The following COX7B2 variants were observed in gnomAD, a reference collection of about 807,000 sequenced individuals.
COX7B2 encodes the protein cytochrome c oxidase subunit 7B2.
For synonymous variants in COX7B2, 37 were observed against 32.1 expected (o/e 1.15, Z -0.51); for missense variants, 109 against 95.9 (o/e 1.14, Z -0.57).
intron 1 of COX7B2, among the ~76,000 whole-genome samples, chr4:46,902,495 G>T (rs1449460916): frequency 6.6e-6 from 1 of 152,178 alleles, no homozygotes; most frequent in Non-Finnish European, 1.5e-5. Context: ...TCAGAGAAGG[G>T]AATCAGCAAT....
chr4:46,894,319 G>A (rs1311826290), intron 1 of COX7B2, among the ~76,000 whole-genome samples: 1 of 151,786 alleles, frequency 6.6e-6, no homozygotes, highest in Admixed American at 6.6e-5. Flanking sequence ...AGAATAGACA[G>A]CCCAGAAATA....
intron 1 of COX7B2, among the ~76,000 whole-genome samples, chr4:46,878,512 T>G (rs942097707): frequency 6.6e-6 from 1 of 151,930 alleles, no homozygotes; most frequent in Non-Finnish European, 1.5e-5. Context: ...GACACATATA[T>G]ACACATTACA....
At chr4:46,809,132 T>C (rs964048083) in intron 2 of COX7B2, among the ~76,000 whole-genome samples, 8 of 152,014 alleles carry the variant, frequency 5.3e-5, no homozygotes, top group African/African-American at 1.9e-4. Flanking sequence ...TTCCTTGATA[T>C]CCTTTTTATT....
chr4:46,773,332 G>T (rs1716982850), intron 2 of COX7B2, among the ~76,000 whole-genome samples: 1 of 152,062 alleles, frequency 6.6e-6, no homozygotes, highest in African/African-American at 2.4e-5. Context: ...GTTCTCACAA[G>T]ATCTGATGGT....
chr4:46,902,046 T>C (rs1720099096), intron 1 of COX7B2, among the ~76,000 whole-genome samples: 1 of 152,202 alleles, frequency 6.6e-6, no homozygotes. Flanking sequence ...TATATCTATC[T>C]CTATATATCC....
intron 2 of COX7B2, among the ~76,000 whole-genome samples, chr4:46,745,801 G>T (rs955679332): frequency 6.6e-6 from 1 of 152,100 alleles, no homozygotes; most frequent in Non-Finnish European, 1.5e-5. Flanking sequence ...CTAAAAACAT[G>T]CAACAAAAAA....
chr4:46,852,429 C>T (rs1217469010), intron 1 of COX7B2, among the ~76,000 whole-genome samples: 1 of 151,936 alleles, frequency 6.6e-6, no homozygotes, highest in Non-Finnish European at 1.5e-5. Context: ...CTAAGGAGTT[C>T]TAATTTCCTT....
chr4:46,820,436 G>A (rs1714190748), intron 2 of COX7B2, among the ~76,000 whole-genome samples: 1 of 152,158 alleles, frequency 6.6e-6, no homozygotes, highest in African/African-American at 2.4e-5. Context: ...CTCCTGCAGT[G>A]CAGCCTAGTT....
chr4:46,825,750 C>G (rs1222976306), intron 2 of COX7B2, among the ~76,000 whole-genome samples: 1 of 151,984 alleles, frequency 6.6e-6, no homozygotes, highest in African/African-American at 2.4e-5. Flanking sequence ...ATCTGATCTT[C>G]TACAAACCTA....
rs144832804 is a variant in COX7B2, at chr4:46,749,344, A to G, written c.-49-14103T>C. 3.3e-5 allele frequency among the ~76,000 whole-genome samples: 5 copies of G among 152,208 alleles called. No homozygotes were observed. The East Asian group carries it at 9.7e-4, about 29-fold the overall frequency. On this transcript the variant is annotated intron_variant, in intron 2 of 2. Transcript: ENST00000355591. ...CTCTATCCAAAATGTCTCCATCCTA[A>G]CTTAACTTCATTTCATATGCTTTCT...
chr4:46,907,550 A>G (rs567660355), intron 1 of COX7B2, among the ~76,000 whole-genome samples: 2 of 152,120 alleles, frequency 1.3e-5, no homozygotes, highest in Non-Finnish European at 2.9e-5. Flanking sequence ...ATGAAAATCT[A>G]TATGGTCTTT....
At chr4:46,836,352 A>T (rs1267353393) in intron 2 of COX7B2, among the ~76,000 whole-genome samples, 2 of 151,880 alleles carry the variant, frequency 1.3e-5, no homozygotes, top group African/African-American at 4.8e-5. Flanking sequence ...CTATTTAAAA[A>T]ATTTTTTTTT....
chr4:46,808,366 T>G (rs1369950068), intron 2 of COX7B2, among the ~76,000 whole-genome samples: 1 of 151,862 alleles, frequency 6.6e-6, no homozygotes, highest in African/African-American at 2.4e-5. Flanking sequence ...GATTTTTGTA[T>G]GTCAATATTG....
At chr4:46,865,926 C>A (rs1421151518) in intron 1 of COX7B2, among the ~76,000 whole-genome samples, 1 of 152,128 alleles carries the variant, frequency 6.6e-6, no homozygotes, top group Non-Finnish European at 1.5e-5. Context: ...AATTCTCCCC[C>A]ACTTAACAGA....
intron 1 of COX7B2, among the ~76,000 whole-genome samples, chr4:46,887,354 C>A (rs991503600): frequency 1.3e-5 from 2 of 152,124 alleles, no homozygotes; most frequent in Non-Finnish European, 2.9e-5. Flanking sequence ...TGAATGCATC[C>A]TACTACCCAG....
At chr4:46,797,540 G>A (rs370979142) in intron 2 of COX7B2, among the ~76,000 whole-genome samples, 1 of 152,178 alleles carries the variant, frequency 6.6e-6, no homozygotes, top group Admixed American at 6.5e-5. Flanking sequence ...CTATTATAGT[G>A]GGAGAAGCCA....
chr4:46,755,674 A>C (rs1405909595), intron 2 of COX7B2, among the ~76,000 whole-genome samples: 1 of 152,100 alleles, frequency 6.6e-6, no homozygotes, highest in African/African-American at 2.4e-5. Context: ...CACGAATAAT[A>C]ATCTAGCTAA....
rs376204066 is a variant in COX7B2, at chr4:46,863,749, G to A, written c.-104-18735C>T. Among the ~76,000 whole-genome samples the A allele has an allele frequency of 1.4e-4, 22 of 152,206 alleles. 1 individual carries two copies. In the South Asian group the frequency reaches 4.6e-3, roughly 32 times the overall value. On this transcript the variant is annotated intron_variant, in intron 1 of 2. Coordinates refer to ENST00000355591, the MANE Select transcript of COX7B2 (RefSeq NM_130902.3). ...GTTTTAACTCTTCATATTGACTGATGCTGAAATATTTTATCTTAGAGGTCT... is the reference window on the plus strand; with the variant it reads ...GTTTTAACTCTTCATATTGACTGATACTGAAATATTTTATCTTAGAGGTCT...
chr4:46,793,919 G>A (rs546918647), intron 2 of COX7B2, among the ~76,000 whole-genome samples: 27 of 152,264 alleles, frequency 1.8e-4, no homozygotes, highest in African/African-American at 6.3e-4. Context: ...TCCCCCCTTT[G>A]GCTGTGGCAT....
Sources: gnomAD v4.1 joint callset for allele counts (sites outside exome capture counted in the v4.1 genomes callset) on GRCh38, gnomAD v4.1.1 for gene constraint, MANE v1.5 for transcripts, NCBI Gene and HGNC (gene_info 2026-07-23, HGNC 2026-07-21) for gene names.